Variants in RAB36 observed in about 807,000 individuals in gnomAD.
The protein encoded by RAB36 is ras-related protein Rab-36.
A neutral mutation model predicts 39.3 loss-of-function variants in RAB36; 33 were observed. That is an observed-to-expected ratio of 0.84 (90% CI 0.64 to 1.12). The LOEUF (loss-of-function observed/expected upper bound fraction) is 1.12, where lower values mean the gene tolerates loss of function less well. Ranked by LOEUF, RAB36 falls within the 50% of genes most tolerant of loss-of-function variation. RAB36 has a pLI of 0.00. For synonymous variants in RAB36, 133 were observed against 140.2 expected (o/e 0.95, Z 0.36); for missense variants, 308 against 355.3 (o/e 0.87, Z 1.07).
intron 9 of RAB36, among the ~76,000 whole-genome samples, chr22:23,159,706 A>G (rs1162594486): frequency 6.6e-6 from 1 of 152,192 alleles, no homozygotes. Context: ...AATGCCAGGC[A>G]TGTGACATCA....
chr22:23,166,763 C>T (rs1281652770), downstream of RAB36, among the ~76,000 whole-genome samples: 1 of 152,118 alleles, frequency 6.6e-6, no homozygotes, highest in Non-Finnish European at 1.5e-5. Context: ...AGGGCGAGGC[C>T]AGAGCCCAGG....
chr22:23,153,177 A>T (rs1262421168), intron 5 of RAB36, 43 bp downstream of exon 5: 13 of 1,444,226 alleles, frequency 9.0e-6, no homozygotes, highest in Non-Finnish European at 1.3e-5. Context: ...AGCTTCCTAC[A>T]GGCACCTGAG....
rs2301555 is a variant in RAB36, at chr22:23,152,717, T to G, written c.227+191T>G. The stretch of plus-strand genomic sequence containing the variant: ...GGGAGATGGCAGGGCTGGGCAGAAA[T>G]TGTGGCGTCCCAGGAGCCTGGCGCT... On this transcript the variant is annotated intron_variant, in intron 4 of 10. Transcript: ENST00000263116. Among the ~76,000 whole-genome samples the G allele has an allele frequency of 0.57, 87,193 of 152,046 alleles. 26,124 individuals carry two copies. Among genetic ancestry groups the G allele is most frequent in the African/African-American group, 0.75 (30,975 of 41,482 alleles).
At chr22:23,145,871 C>T in intron 1 of RAB36, 1 of 610,238 alleles carries the variant, frequency 1.6e-6, no homozygotes, top group Non-Finnish European at 2.1e-6. Flanking sequence ...GAGTCAGAGG[C>T]CTGGTGAAGT....
chr22:23,167,929 T>C (rs143356021), downstream of RAB36, among the ~76,000 whole-genome samples: 15 of 152,144 alleles, frequency 9.9e-5, no homozygotes, highest in East Asian at 2.7e-3. Flanking sequence ...CATAGCTCAG[T>C]GCAACTTTCC....
intron 7 of RAB36, 50 bp downstream of exon 7, chr22:23,158,093 G>T (rs1357717234): frequency 8.1e-6 from 13 of 1,608,326 alleles, no homozygotes; most frequent in Non-Finnish European, 1.1e-5. Flanking sequence ...TCAGGAAGCT[G>T]CCTGGAAGGG....
In RAB36 at chr22:23,145,500, T is replaced by G. The variant is rs1390014047; in HGVS notation, c.-64T>G. 1 of 1,607,128 alleles carries G rather than the reference T, an allele frequency of 6.2e-7. No individual in the cohort carries two copies. Among genetic ancestry groups the G allele is most frequent in the Non-Finnish European group, 8.5e-7 (1 of 1,179,704 alleles). ...TCGTTGCCATGGTGATCGCCGCCGC[T>G]GGCTCAGGCGGACCAGGCCGCGCGG... On this transcript the variant is annotated 5_prime_UTR_variant, in exon 1 of 11. Coordinates refer to ENST00000263116, the MANE Select transcript of RAB36 (RefSeq NM_004914.5).
rs1466267804 is a variant in RAB36, at chr22:23,159,262, G to A, written c.619+9G>A. ...AGTGTCGGCCAAGACTGGTGAGTGG[G>A]CCAGGGCTGTCACCATGGTGGGGCA... is the stretch of plus-strand genomic sequence containing the variant. On this transcript the variant is annotated intron_variant, in intron 9 of 10. Transcript: ENST00000263116. The A allele has an allele frequency of 6.3e-7, 1 of 1,575,610 alleles. No individual in the cohort carries two copies. The highest frequency in any genetic ancestry group is 8.6e-7 in the Non-Finnish European group (1 of 1,160,668).
At chr22:23,159,323 C>T in intron 9 of RAB36, 70 bp downstream of exon 9, 1 of 1,401,052 alleles carries the variant, frequency 7.1e-7, no homozygotes, top group Non-Finnish European at 9.7e-7. Context: ...TGGGGCCTGC[C>T]ATGCAGTGTT....
downstream of RAB36, among the ~76,000 whole-genome samples, chr22:23,166,468 A>G (rs556321251): frequency 2.0e-5 from 3 of 151,800 alleles, no homozygotes; most frequent in African/African-American, 7.3e-5. Context: ...CTTTCTCCCT[A>G]AGCAACAGCT....
chr22:23,152,038 G>A (rs1031664820), intron 3 of RAB36, among the ~76,000 whole-genome samples: 3 of 152,238 alleles, frequency 2.0e-5, no homozygotes, highest in African/African-American at 4.8e-5. Context: ...GGGGCTGCCC[G>A]TCCCTTTTGC....
chr22:23,161,086 C>T, intron 10 of RAB36, 88 bp downstream of exon 10: 1 of 1,461,010 alleles, frequency 6.8e-7, no homozygotes, highest in Non-Finnish European at 9.2e-7. Flanking sequence ...GAGGCCTTGC[C>T]ATTTCCTGAA....
At position 23,153,145 on chromosome 22, in the gene RAB36, G is replaced by C; in HGVS notation, c.329+11G>C. 6.2e-7 allele frequency: 1 copy of C among 1,608,982 alleles called. No homozygotes were observed. On this transcript the variant is annotated intron_variant, in intron 5 of 10. Coordinates refer to ENST00000263116, the MANE Select transcript of RAB36 (RefSeq NM_004914.5). The stretch of plus-strand genomic sequence containing the variant: ...CTATAGCCTCCAGATGTAAGTTGCT[G>C]GTTCCCCCATGGCTCGTGGGCAGCT...
chr22:23,157,092 C>T (rs556571145), intron 6 of RAB36, among the ~76,000 whole-genome samples: 3 of 152,276 alleles, frequency 2.0e-5, no homozygotes, highest in South Asian at 2.1e-4. Flanking sequence ...CCAACAGGAC[C>T]GGGGTGCGGC....
At chr22:23,157,734 C>G (rs2071537099) in intron 6 of RAB36, among the ~76,000 whole-genome samples, 1 of 152,220 alleles carries the variant, frequency 6.6e-6, no homozygotes, top group Non-Finnish European at 1.5e-5. Flanking sequence ...AAAGCCCATG[C>G]GCTCGCTCCA....
chr22:23,157,528 G>T (rs2071525013), intron 6 of RAB36, among the ~76,000 whole-genome samples: 1 of 152,134 alleles, frequency 6.6e-6, no homozygotes, highest in Non-Finnish European at 1.5e-5. Flanking sequence ...CAAAGTGCTG[G>T]AATTACAGGC....
At chr22:23,145,358 T>C (rs779389367), upstream of RAB36, 35 of 1,603,310 alleles carry the variant, frequency 2.2e-5, no homozygotes, top group Non-Finnish European at 2.6e-5. Flanking sequence ...AGGCAGGTTC[T>C]CGTTGCTATG....
chr22:23,153,293 C>G (rs2071269257), intron 5 of RAB36, among the ~76,000 whole-genome samples, 159 bp downstream of exon 5: 1 of 152,138 alleles, frequency 6.6e-6, no homozygotes, highest in Non-Finnish European at 1.5e-5. Flanking sequence ...GCTCCCAGAG[C>G]CCCCACATGC....
intron 9 of RAB36, 21 bp downstream of exon 9, chr22:23,159,274 A>C: frequency 6.4e-7 from 1 of 1,562,814 alleles, no homozygotes; most frequent in Middle Eastern, 1.7e-4. Flanking sequence ...CAGGGCTGTC[A>C]CCATGGTGGG....
Sources: allele counts gnomAD v4.1 joint callset (sites outside exome capture counted in the v4.1 genomes callset), GRCh38; gene constraint gnomAD v4.1.1; transcripts MANE v1.5; gene names NCBI Gene and HGNC (gene_info 2026-07-23, HGNC 2026-07-21).